CLEC16A: variants seen among roughly 807,000 people sequenced by gnomAD.
CLEC16A encodes the protein C-type lectin domain containing 16A.
In CLEC16A, 51 loss-of-function variants were observed where a neutral mutation model predicts 109.5. The observed-to-expected ratio is 0.47, with a 90% CI of 0.37 to 0.59. The LOEUF (loss-of-function observed/expected upper bound fraction) is 0.59, where lower values mean the gene tolerates loss of function less well. CLEC16A is among the 20% of genes least tolerant of loss of function. The pLI is 0.00. For missense variants in CLEC16A, 1,339 were observed against 1,394.0 expected (o/e 0.96, Z 0.63); for synonymous variants, 673 against 564.2 (o/e 1.19, Z -2.73).
At chr16:10,989,291 G>A (rs888214503) in intron 10 of CLEC16A, among the ~76,000 whole-genome samples, 2 of 152,076 alleles carry the variant, frequency 1.3e-5, no homozygotes, top group Admixed American at 6.5e-5. Flanking sequence ...TGTGATCCTA[G>A]CTCACTGCAG....
At chr16:10,985,241 C>T (rs2043571395) in intron 10 of CLEC16A, among the ~76,000 whole-genome samples, 1 of 139,378 alleles carries the variant, frequency 7.2e-6, no homozygotes, top group African/African-American at 2.8e-5. Flanking sequence ...ATATATAGTG[C>T]CCATCAAGTG....
chr16:11,114,761 C>G (rs563939493), intron 19 of CLEC16A, among the ~76,000 whole-genome samples: 1 of 152,284 alleles, frequency 6.6e-6, no homozygotes, highest in Admixed American at 6.5e-5. Context: ...TAAAATGATA[C>G]TGGCGGGACC....
intron 23 of CLEC16A, among the ~76,000 whole-genome samples, chr16:11,177,086 G>A (rs917846791): frequency 6.6e-6 from 1 of 152,166 alleles, no homozygotes; most frequent in Non-Finnish European, 1.5e-5. Context: ...GCTCGATATA[G>A]CATCGTCAGC....
chr16:11,120,513 C>A, intron 19 of CLEC16A, 102 bp from the exon 20 acceptor site: 1 of 1,270,664 alleles, frequency 7.9e-7, no homozygotes, highest in Non-Finnish European at 1.1e-6. Flanking sequence ...GGGCTCTAAC[C>A]ACTGAGCTCT....
At chr16:10,973,132 G>A in intron 7 of CLEC16A, 71 bp downstream of exon 7, 2 of 1,510,184 alleles carry the variant, frequency 1.3e-6, no homozygotes, top group South Asian at 1.3e-5. Context: ...TTTCATCAAG[G>A]AAAAATAAAC....
intron 19 of CLEC16A, among the ~76,000 whole-genome samples, chr16:11,065,981 T>C (rs741174): frequency 0.5 from 75,912 of 152,028 alleles, 20,106 homozygotes; most frequent in East Asian, 0.66. Context: ...GGTCAGACGG[T>C]CCCAGAAGGG....
At chr16:11,027,635 G>A in intron 13 of CLEC16A, 3 of 1,556,880 alleles carry the variant, frequency 1.9e-6, no homozygotes, top group Non-Finnish European at 2.6e-6. Flanking sequence ...AGATCTCATG[G>A]TTCTTGCGCC....
chr16:11,143,269 T>C (rs1401394624), intron 22 of CLEC16A, among the ~76,000 whole-genome samples: 1 of 152,148 alleles, frequency 6.6e-6, no homozygotes, highest in African/African-American at 2.4e-5. Context: ...GCTGGTCTAG[T>C]AGGGATGGGG....
At chr16:10,962,188 A>G (rs116408175) in intron 2 of CLEC16A, among the ~76,000 whole-genome samples, 1,944 of 152,036 alleles carry the variant, frequency 0.013, 35 homozygotes, top group African/African-American at 0.041. Flanking sequence ...GCCTCAAGCG[A>G]TCATCCTGCC....
intron 23 of CLEC16A, among the ~76,000 whole-genome samples, chr16:11,168,570 C>T (rs1273766544): frequency 6.6e-6 from 1 of 152,172 alleles, no homozygotes; most frequent in Non-Finnish European, 1.5e-5. Context: ...GCAGCCTGGG[C>T]TTTACTCTTA....
At chr16:10,997,222 C>G (rs2044382968) in intron 10 of CLEC16A, among the ~76,000 whole-genome samples, 1 of 152,192 alleles carries the variant, frequency 6.6e-6, no homozygotes, top group Admixed American at 6.5e-5. Flanking sequence ...TTAGCCTCCC[C>G]AGATCTTGGG....
intron 13 of CLEC16A, chr16:11,027,466 T>C: frequency 6.3e-7 from 1 of 1,579,910 alleles, no homozygotes; most frequent in Non-Finnish European, 8.6e-7. Flanking sequence ...CTGAAGTCTG[T>C]CCGAGAACTC....
At chr16:11,052,517 A>AC (rs1264244092) in intron 18 of CLEC16A, among the ~76,000 whole-genome samples, 2 of 152,114 alleles carry the variant, frequency 1.3e-5, no homozygotes, top group African/African-American at 4.8e-5. Flanking sequence ...GTGCAGAGGA[A>AC]GTGGGACCCA....
At chr16:11,107,940 C>T (rs138933776) in intron 19 of CLEC16A, among the ~76,000 whole-genome samples, 4 of 152,356 alleles carry the variant, frequency 2.6e-5, no homozygotes, top group African/African-American at 7.2e-5. Context: ...CGCACTGAGC[C>T]GTGACTCACC....
At position 11,174,359 on chromosome 16, in the gene CLEC16A, C is replaced by G. The variant is rs1389361729; in HGVS notation, c.2807-3976C>G. The stretch of plus-strand genomic sequence containing the variant: ...CCACAGTCGGCAGGGTCCGCGCTGG[C>G]AAGGTGGGCCAAGCTGGGCCTGAGC... On this transcript the variant is annotated intron_variant, in intron 23 of 23. Transcript: ENST00000409790. The surrounding 1 kb of genome is among the most constrained non-coding windows in gnomAD (Gnocchi z 4.7). 5.1e-6 allele frequency: 2 copies of G among 391,392 alleles called. No homozygotes were observed. The highest frequency in any genetic ancestry group is 2.7e-5 in the Admixed American group (1 of 37,462). The allele number at this position is 391,392 out of a possible 1,614,324, so 24.2% of individuals were successfully genotyped here. A position where few individuals can be genotyped will look rare whatever the true frequency, so the allele number is the denominator to read the frequency against.
chr16:11,112,021 G>T (rs185913837), intron 19 of CLEC16A, among the ~76,000 whole-genome samples: 2 of 152,382 alleles, frequency 1.3e-5, no homozygotes, highest in East Asian at 3.9e-4. Flanking sequence ...TTGGAGAGCT[G>T]TTAAATGGTG....
At chr16:11,124,765 G>T (rs764000884) in intron 21 of CLEC16A, among the ~76,000 whole-genome samples, 16 of 152,148 alleles carry the variant, frequency 1.1e-4, no homozygotes, top group African/African-American at 3.1e-4. Context: ...CTGGGGATGT[G>T]GGGGTGCTTT....
intron 10 of CLEC16A, among the ~76,000 whole-genome samples, chr16:10,988,964 A>G (rs936011555): frequency 3.9e-5 from 6 of 152,146 alleles, no homozygotes; most frequent in African/African-American, 1.4e-4. Context: ...CCCTGGGCTT[A>G]CGAGCTGTCT....
At chr16:11,176,296 G>C (rs2141036503) in intron 23 of CLEC16A, among the ~76,000 whole-genome samples, 1 of 152,320 alleles carries the variant, frequency 6.6e-6, no homozygotes, top group African/African-American at 2.4e-5. Context: ...GCATTTCTGG[G>C]CTCAGATCAC....
Sources: allele counts gnomAD v4.1 joint callset (sites outside exome capture counted in the v4.1 genomes callset), GRCh38; gene constraint gnomAD v4.1.1; non-coding constraint Gnocchi (gnomAD v3.1); transcripts MANE v1.5; gene names NCBI Gene and HGNC (gene_info 2026-07-23, HGNC 2026-07-21).